Variants in SLCO3A1 observed in about 807,000 individuals in gnomAD.
The protein encoded by SLCO3A1 is solute carrier organic anion transporter family member 3A1.
A neutral mutation model predicts 63.1 loss-of-function variants in SLCO3A1; 27 were observed. The ratio of observed to expected loss-of-function variants is 0.43; its 90% CI spans 0.32 to 0.59. The LOEUF is 0.59. Among genes scored for constraint, SLCO3A1 ranks in the 20% least tolerant of loss-of-function variants. The pLI is 0.09. For missense variants in SLCO3A1, 773 were observed against 945.8 expected, an observed-to-expected ratio of 0.82 and a Z score of 2.40; for synonymous variants, 473 against 409.9, an observed-to-expected ratio of 1.15 and a Z score of -1.86.
chr15:92,045,756 A>G (rs1476625821), intron 2 of SLCO3A1, among the ~76,000 whole-genome samples: 1 of 152,226 alleles, frequency 6.6e-6, no homozygotes, highest in Non-Finnish European at 1.5e-5. Context: ...TTATTGAGCT[A>G]CTGCGGAGTG....
chr15:92,017,174 G>A (rs551361248), intron 2 of SLCO3A1, among the ~76,000 whole-genome samples: 1 of 152,326 alleles, frequency 6.6e-6, no homozygotes, highest in East Asian at 1.9e-4. Flanking sequence ...TTCAGCTGCT[G>A]CAGGGAGATT....
At chr15:91,926,596 T>TGTGTGTGTGCGCGCGCGCGCGCGC in intron 2 of SLCO3A1, among the ~76,000 whole-genome samples, 6 of 105,256 alleles carry the variant, frequency 5.7e-5, no homozygotes, top group African/African-American at 2.2e-4. Flanking sequence ...TGTGTGTGTG[T>TGTGTGTGTGCGCGCGCGCGCGCGC]GCGCGCGCGC....
chr15:92,117,443 A>C (rs1301977047), intron 4 of SLCO3A1, among the ~76,000 whole-genome samples: 1 of 152,158 alleles, frequency 6.6e-6, no homozygotes, highest in Non-Finnish European at 1.5e-5. Flanking sequence ...ACGGCAGAGG[A>C]TCGTTTTCCT....
At chr15:92,161,518 C>T (rs2048436619) in intron 9 of SLCO3A1, 1 of 152,252 alleles carries the variant, frequency 6.6e-6, no homozygotes, top group Admixed American at 6.5e-5. Context: ...CGGAAATGCT[C>T]TACCGTGAGG....
chr15:91,989,731 G>A (rs1471758604), intron 2 of SLCO3A1, among the ~76,000 whole-genome samples: 6 of 152,150 alleles, frequency 3.9e-5, no homozygotes, highest in Admixed American at 1.3e-4. Context: ...CTAATAAAAA[G>A]CAATTTGCTG....
intron 4 of SLCO3A1, among the ~76,000 whole-genome samples, chr15:92,106,630 A>T: frequency 6.6e-6 from 1 of 152,134 alleles, no homozygotes; most frequent in African/African-American, 2.4e-5. Flanking sequence ...ACTAGTAATC[A>T]CTTGTCTTTC....
At position 92,146,459 on chromosome 15, in the gene SLCO3A1, C is replaced by T. The variant is rs138327096; in HGVS notation, c.1513-525C>T. ...CTCCAGAGAACTTTCCATCAGCTGT[C>T]CCTCGCCCAGCCTTGCAGACGCGGT... is the stretch of plus-strand genomic sequence containing the variant. On this transcript the variant is annotated intron_variant, in intron 7 of 9. Transcript: ENST00000318445. Among the ~76,000 whole-genome samples the T allele has an allele frequency of 8.2e-3, 1,255 of 152,372 alleles. 10 individuals carry two copies. The highest frequency in any genetic ancestry group is 0.029 in the African/African-American group (1,199 of 41,582).
intron 2 of SLCO3A1, among the ~76,000 whole-genome samples, chr15:92,041,663 A>G (rs528507545): frequency 3.3e-5 from 5 of 152,238 alleles, no homozygotes; most frequent in South Asian, 2.1e-4. Flanking sequence ...AATCTGAGGG[A>G]TCTTCCACTT....
intron 2 of SLCO3A1, among the ~76,000 whole-genome samples, chr15:91,917,463 G>A (rs538400809): frequency 2.6e-5 from 4 of 152,312 alleles, no homozygotes; most frequent in East Asian, 1.9e-4. Context: ...AGGACACACC[G>A]AAATGCAGAT....
chr15:92,008,747 T>C (rs1195351810), intron 2 of SLCO3A1, among the ~76,000 whole-genome samples: 1 of 152,236 alleles, frequency 6.6e-6, no homozygotes, highest in Non-Finnish European at 1.5e-5. Flanking sequence ...CAAATGTGAT[T>C]ATTACGCCTA....
At position 91,916,011 on chromosome 15, in the gene SLCO3A1, C is replaced by T. The variant is rs761362787; in HGVS notation, c.199C>T (p.Leu67=). ...GAYLVSVLTT[L]ERRFNLQSAD... is the part of the protein sequence containing the mutation. ...CCCTCAGGTGAGCGTCCTGACCACC[C>T]TGGAGCGTAGGTTCAACCTGCAGAG... Residue 67 remains leucine (L), a synonymous_variant, in exon 2 of 10, where the codon CTG becomes TTG. Transcript: ENST00000318445. This position sits in a 1 kb window ranked among gnomAD's most constrained non-coding sequence, Gnocchi z 6.2. 160 of 1,612,896 alleles carry T rather than the reference C, an allele frequency of 9.9e-5. No homozygotes were observed. The highest frequency in any genetic ancestry group is 1.3e-4 in the Non-Finnish European group (158 of 1,179,852).
rs1434039672 is a variant in SLCO3A1, at chr15:91,856,222, G to A, written c.180+2134G>A. On this transcript the variant is annotated intron_variant, in intron 1 of 9. Coordinates refer to ENST00000318445, the MANE Select transcript of SLCO3A1 (RefSeq NM_013272.4). The surrounding 1 kb of genome is among the most constrained non-coding windows in gnomAD (Gnocchi z 4.9). ...GCTGATGGAAAGCCTGGTTGGGTGG[G>A]GTAGGGTAACAGGAGTCAACAGGTG... is the stretch of plus-strand genomic sequence containing the variant. 6.6e-6 allele frequency among the ~76,000 whole-genome samples: 1 copy of A among 151,988 alleles called. No homozygotes were observed. The highest frequency in any genetic ancestry group is 6.6e-5 in the Admixed American group (1 of 15,264).
At chr15:91,880,857 A>G (rs1444291736) in intron 1 of SLCO3A1, among the ~76,000 whole-genome samples, 1 of 152,162 alleles carries the variant, frequency 6.6e-6, no homozygotes, top group Admixed American at 6.5e-5. Context: ...GAAGCAGTGT[A>G]AAGTGCCCCA....
intron 2 of SLCO3A1, among the ~76,000 whole-genome samples, chr15:92,094,105 A>G (rs17519116): frequency 0.036 from 5,408 of 152,262 alleles, 121 homozygotes; most frequent in Admixed American, 0.056. Flanking sequence ...GTGGGTTTGA[A>G]TTTGGGATCA....
At chr15:92,064,647 GAATA>G (rs1403395153) in intron 2 of SLCO3A1, among the ~76,000 whole-genome samples, 1 of 152,114 alleles carries the variant, frequency 6.6e-6, no homozygotes, top group Admixed American at 6.5e-5. Flanking sequence ...ACGGATGAAT[GAATA>G]AAGAAAATGT....
At chr15:92,013,343 T>C (rs1387197852) in intron 2 of SLCO3A1, among the ~76,000 whole-genome samples, 2 of 152,242 alleles carry the variant, frequency 1.3e-5, no homozygotes, top group African/African-American at 2.4e-5. Flanking sequence ...ACACAGGTGC[T>C]GCGGCCAAAC....
intron 6 of SLCO3A1, 42 bp from the exon 7 acceptor site, chr15:92,128,309 T>C: frequency 1.9e-6 from 3 of 1,612,788 alleles, no homozygotes; most frequent in Non-Finnish European, 2.5e-6. Flanking sequence ...GATTCCGAAT[T>C]GACCTGTTTC....
intron 2 of SLCO3A1, among the ~76,000 whole-genome samples, chr15:92,014,038 C>T (rs2046398065): frequency 6.6e-6 from 1 of 152,160 alleles, no homozygotes; most frequent in African/African-American, 2.4e-5. Context: ...CAGGAGGGCA[C>T]AATCTTACCC....
chr15:91,861,739 T>A (rs1482634579), intron 1 of SLCO3A1, among the ~76,000 whole-genome samples: 2 of 152,032 alleles, frequency 1.3e-5, no homozygotes, highest in Non-Finnish European at 2.9e-5. Context: ...TCCTCCCACC[T>A]CAACCTCCCA....
Sources: gnomAD v4.1 joint callset for allele counts (sites outside exome capture counted in the v4.1 genomes callset) on GRCh38, gnomAD v4.1.1 for gene constraint, Gnocchi (gnomAD v3.1) non-coding constraint, MANE v1.5 for transcripts, NCBI Gene and HGNC (gene_info 2026-07-23, HGNC 2026-07-21) for gene names.